CNTNAP5: variants seen among roughly 807,000 people sequenced by gnomAD.
CNTNAP5 encodes contactin-associated protein-like 5.
In CNTNAP5, 72 loss-of-function variants were observed where a neutral mutation model predicts 150.2. The observed-to-expected ratio is 0.48, with a 90% confidence interval of 0.40 to 0.58. The LOEUF is 0.58. Among genes scored for constraint, CNTNAP5 ranks in the 20% least tolerant of loss-of-function variants. The probability of loss-of-function intolerance (pLI) is 0.00; values close to 1 mark genes in which losing one functional copy is unlikely to be tolerated. For missense variants in CNTNAP5, 1,636 were observed against 1,626.2 expected (o/e 1.01, Z -0.10); for synonymous variants, 672 against 619.8 (o/e 1.08, Z -1.25).
intron 10 of CNTNAP5, among the ~76,000 whole-genome samples, chr2:124,537,142 G>A (rs538999460): frequency 1.2e-4 from 18 of 152,120 alleles, no homozygotes; most frequent in African/African-American, 2.2e-4. Flanking sequence ...TAAATTGGAG[G>A]CACAGAGGTA....
At position 124,903,103 on chromosome 2, in the gene CNTNAP5, A is replaced by G; in HGVS notation, c.3655+3A>G. 6.5e-7 allele frequency: 1 copy of G among 1,544,902 alleles called. No homozygotes were observed. Among genetic ancestry groups the G allele is most frequent in the Non-Finnish European group, 8.8e-7 (1 of 1,138,164 alleles). ...GACCACGGTGCATTCTTCATCAGGT[A>G]CACTCAAGAGCATGCACAAGGGAGC... On this transcript the variant is annotated splice_donor_region_variant and intron_variant, in intron 22 of 23. Transcript: ENST00000682447.
In CNTNAP5 at chr2:124,620,745, GCACACA is replaced by G. The variant is rs3039903; in HGVS notation, c.1876+10850_1876+10855del. ...ATATATGCTACACACACACACACAT[GCACACA>G]CACACACACACACACACACACACAT... On this transcript the variant is annotated intron_variant, in intron 12 of 23. Transcript: ENST00000682447. 4.0e-3 allele frequency among the ~76,000 whole-genome samples: 418 copies of G among 103,694 alleles called. 1 individual carries two copies. The highest frequency in any genetic ancestry group is 0.011 in the Middle Eastern group (2 of 186). 68.0% of individuals were successfully genotyped at this position (103,694 alleles called of 152,430 possible). A position where few individuals can be genotyped will look rare whatever the true frequency, so the allele number is the denominator to read the frequency against.
Position 124,914,356 on chromosome 2 carries a change from G to A in CNTNAP5, c.*68G>A, listed in dbSNP as rs540494139. On this transcript the variant is annotated 3_prime_UTR_variant, in exon 24 of 24. Transcript: ENST00000682447. ...TTATCTCCTCCCCCTCTTCTCTCCT[G>A]TCTTTTGATTTGGTCATTCTCTTTA... 603 of 1,163,330 alleles carry A rather than the reference G, an allele frequency of 5.2e-4. 3 individuals are homozygous for A. The Middle Eastern group carries it at 8.6e-3, about 17-fold the overall frequency. The allele number at this position is 1,163,330 out of a possible 1,614,324, so 72.1% of individuals were successfully genotyped here.
intron 19 of CNTNAP5, among the ~76,000 whole-genome samples, chr2:124,816,538 C>T (rs1174181740): frequency 7.2e-6 from 1 of 139,592 alleles, no homozygotes; most frequent in Admixed American, 7.9e-5. Flanking sequence ...AGTGCAATGG[C>T]ACAACCTCAG....
At chr2:124,307,355 G>A (rs1330235854) in intron 3 of CNTNAP5, among the ~76,000 whole-genome samples, 1 of 151,990 alleles carries the variant, frequency 6.6e-6, no homozygotes, top group African/African-American at 2.4e-5. Flanking sequence ...AGCTCCCAAG[G>A]TCCCATCTCC....
At chr2:124,027,454 G>A (rs1263115890) in intron 1 of CNTNAP5, among the ~76,000 whole-genome samples, 2 of 152,212 alleles carry the variant, frequency 1.3e-5, no homozygotes, top group Admixed American at 6.5e-5. Flanking sequence ...GGATAAAAAA[G>A]ACAGAACATA....
Position 124,916,541 on chromosome 2 carries a change from A to T in CNTNAP5, c.*2253A>T, listed in dbSNP as rs555652025. Among the ~76,000 whole-genome samples, 3 of 152,236 alleles carry T rather than the reference A, an allele frequency of 2.0e-5. No individual in the cohort carries two copies. The South Asian group carries it at 6.2e-4, about 32-fold the overall frequency. The stretch of plus-strand genomic sequence containing the variant: ...AGGAAGGTATGAGTAATAAAGCTGG[A>T]ACTCTTCATTATTCAATCTTTGAGC... On this transcript the variant is annotated 3_prime_UTR_variant, in exon 24 of 24. Transcript: ENST00000682447.
At chr2:124,618,239 A>C (rs1021107055) in intron 12 of CNTNAP5, among the ~76,000 whole-genome samples, 2 of 152,062 alleles carry the variant, frequency 1.3e-5, no homozygotes, top group Admixed American at 1.3e-4. Context: ...AGCATGTGAG[A>C]CTATTTAGCT....
chr2:124,872,379 TG>T (rs1677767374), intron 21 of CNTNAP5, among the ~76,000 whole-genome samples: 1 of 47,332 alleles, frequency 2.1e-5, no homozygotes, highest in Non-Finnish European at 3.9e-5. Flanking sequence ...TTATGCTGTG[TG>T]TGTGTGTGTG....
intron 10 of CNTNAP5, among the ~76,000 whole-genome samples, chr2:124,538,735 A>C (rs1487333155): frequency 6.6e-6 from 1 of 152,200 alleles, no homozygotes; most frequent in Admixed American, 6.5e-5. Flanking sequence ...AGAGTAGCAG[A>C]GGAGACTTTT....
chr2:124,294,259 A>G (rs1337786246), intron 3 of CNTNAP5, among the ~76,000 whole-genome samples: 2 of 113,368 alleles, frequency 1.8e-5, no homozygotes, highest in Non-Finnish European at 3.7e-5. Flanking sequence ...CCAGGAAAAG[A>G]GTCTTGGGCA....
At chr2:124,187,278 C>T (rs1685357310) in intron 1 of CNTNAP5, among the ~76,000 whole-genome samples, 2 of 152,128 alleles carry the variant, frequency 1.3e-5, no homozygotes, top group South Asian at 2.1e-4. Flanking sequence ...AAATATTACC[C>T]ATCATGCATA....
At chr2:124,880,862 C>T (rs528700020) in intron 21 of CNTNAP5, among the ~76,000 whole-genome samples, 2 of 152,104 alleles carry the variant, frequency 1.3e-5, no homozygotes, top group East Asian at 3.9e-4. Flanking sequence ...TGAGATGACC[C>T]AGAATGTTAT....
chr2:124,402,001 C>T (rs886227384), intron 3 of CNTNAP5, among the ~76,000 whole-genome samples: 2 of 152,140 alleles, frequency 1.3e-5, no homozygotes, highest in Non-Finnish European at 2.9e-5. Context: ...TATCCCCTCA[C>T]TAAGAATAAA....
At chr2:124,903,928 C>T (rs908231410) in intron 22 of CNTNAP5, among the ~76,000 whole-genome samples, 2 of 151,830 alleles carry the variant, frequency 1.3e-5, no homozygotes, top group African/African-American at 2.4e-5. Context: ...GTGGTGGGCA[C>T]CTGTAATTCC....
intron 16 of CNTNAP5, among the ~76,000 whole-genome samples, chr2:124,768,495 G>T (rs930560540): frequency 6.6e-6 from 1 of 152,030 alleles, no homozygotes. Flanking sequence ...TTACACTTTT[G>T]TTGAATTGTT....
intron 19 of CNTNAP5, among the ~76,000 whole-genome samples, chr2:124,842,026 A>T (rs537042886): frequency 1.3e-5 from 2 of 152,200 alleles, no homozygotes; most frequent in Non-Finnish European, 2.9e-5. Flanking sequence ...TTTAAGTGTC[A>T]TGCTCAAAAG....
At chr2:124,670,026 C>CA (rs999792705) in intron 13 of CNTNAP5, among the ~76,000 whole-genome samples, 6 of 152,258 alleles carry the variant, frequency 3.9e-5, no homozygotes, top group Admixed American at 2.6e-4. Context: ...TCACTACTCA[C>CA]AGCGAGACCA....
chr2:124,685,069 A>G (rs888337023), intron 13 of CNTNAP5, among the ~76,000 whole-genome samples: 3 of 152,116 alleles, frequency 2.0e-5, no homozygotes, highest in African/African-American at 7.2e-5. Flanking sequence ...TCTTCAAAGT[A>G]CTTTTCTAGA....
Sources: allele counts gnomAD v4.1 joint callset (sites outside exome capture counted in the v4.1 genomes callset), GRCh38; gene constraint gnomAD v4.1.1; transcripts MANE v1.5; gene names NCBI Gene and HGNC (gene_info 2026-07-23, HGNC 2026-07-21).